ZNF804B: variants seen among roughly 807,000 people sequenced by gnomAD.
ZNF804B encodes the protein zinc finger protein 804B.
In ZNF804B, 80 loss-of-function variants were observed where a neutral mutation model predicts 101.4. That is an observed-to-expected ratio of 0.79 (90% CI 0.66 to 0.95). The LOEUF is 0.95. Among genes scored for constraint, ZNF804B ranks in the 40% least tolerant of loss-of-function variants. The probability of loss-of-function intolerance (pLI) is 0.00; values close to 1 mark genes in which losing one functional copy is unlikely to be tolerated. For missense variants in ZNF804B, 1,673 were observed against 1,561.9 expected, an observed-to-expected ratio of 1.07 and a Z score of -1.20; for synonymous variants, 622 against 558.8, an observed-to-expected ratio of 1.11 and a Z score of -1.59.
chr7:89,111,524 T>A (rs560340562), intron 1 of ZNF804B, among the ~76,000 whole-genome samples: 13 of 152,332 alleles, frequency 8.5e-5, no homozygotes, highest in African/African-American at 2.9e-4. Flanking sequence ...CATGAATGTC[T>A]TTAGTGAGTT....
intron 1 of ZNF804B, among the ~76,000 whole-genome samples, chr7:88,937,762 T>C (rs1019253241): frequency 6.6e-6 from 1 of 152,080 alleles, no homozygotes; most frequent in East Asian, 1.9e-4. Flanking sequence ...ACCTTTCATA[T>C]TGAAGGGTCA....
chr7:89,282,662 A>C (rs879832143), intron 2 of ZNF804B, among the ~76,000 whole-genome samples: 6 of 152,124 alleles, frequency 3.9e-5, no homozygotes, highest in Admixed American at 3.3e-4. Flanking sequence ...GGGTACGATT[A>C]ACCTGGATTC....
intron 1 of ZNF804B, among the ~76,000 whole-genome samples, chr7:88,766,332 TA>T (rs747123636): frequency 2.0e-4 from 31 of 152,232 alleles, no homozygotes; most frequent in Admixed American, 9.2e-4. Context: ...AAATAAAACA[TA>T]AAAGGGGGTT....
At chr7:89,148,198 G>T (rs1032659723) in intron 1 of ZNF804B, among the ~76,000 whole-genome samples, 6 of 151,912 alleles carry the variant, frequency 3.9e-5, no homozygotes, top group African/African-American at 1.4e-4. Flanking sequence ...TCTGCACAAG[G>T]TATATAATAT....
At chr7:88,859,887 A>AT (rs1791622506) in intron 1 of ZNF804B, among the ~76,000 whole-genome samples, 1 of 151,932 alleles carries the variant, frequency 6.6e-6, no homozygotes, top group South Asian at 2.1e-4. Context: ...TATTACCTTC[A>AT]TTTAAAAAAT....
At chr7:88,895,594 A>T (rs934198802) in intron 1 of ZNF804B, among the ~76,000 whole-genome samples, 5 of 152,198 alleles carry the variant, frequency 3.3e-5, no homozygotes, top group Non-Finnish European at 7.3e-5. Flanking sequence ...CTCCAACGAA[A>T]GAAACCAGCA....
intron 1 of ZNF804B, among the ~76,000 whole-genome samples, chr7:88,786,938 G>A (rs1057064692): frequency 6.6e-6 from 1 of 152,112 alleles, no homozygotes; most frequent in Admixed American, 6.6e-5. Context: ...TTGCTGGCAG[G>A]AAGATGAGTG....
chr7:88,963,800 A>G (rs749450561), intron 1 of ZNF804B, among the ~76,000 whole-genome samples: 1 of 151,448 alleles, frequency 6.6e-6, no homozygotes, highest in African/African-American at 2.4e-5. Flanking sequence ...GTAACAATAT[A>G]TCAAGGACTT....
rs566143038 is a variant in ZNF804B at position 89,116,769 on chromosome 7, A to T, written c.109-101386A>T. Reference sequence around the variant, plus strand: ...CATTTCGGCATAATTATTGAGAGATATTTTTTACACGAATTTTAAATTACC... The same window carrying T: ...CATTTCGGCATAATTATTGAGAGATTTTTTTTACACGAATTTTAAATTACC... On this transcript the variant is annotated intron_variant, in intron 1 of 3. Coordinates refer to ENST00000333190, the MANE Select transcript of ZNF804B (RefSeq NM_181646.5). Among the ~76,000 whole-genome samples the T allele has an allele frequency of 1.2e-4, 19 of 152,244 alleles. No individual in the cohort carries two copies. The South Asian group carries it at 1.5e-3, about 12-fold the overall frequency.
chr7:88,819,978 A>G (rs1790950209), intron 1 of ZNF804B, among the ~76,000 whole-genome samples: 1 of 152,182 alleles, frequency 6.6e-6, no homozygotes, highest in African/African-American at 2.4e-5. Flanking sequence ...CATTATAAAT[A>G]TTTTAAATCA....
chr7:89,282,158 G>A (rs1163927895), intron 2 of ZNF804B, among the ~76,000 whole-genome samples: 2 of 141,316 alleles, frequency 1.4e-5, no homozygotes, highest in Non-Finnish European at 3.0e-5. Context: ...CCGAGATCCC[G>A]CCACTGCACT....
intron 1 of ZNF804B, among the ~76,000 whole-genome samples, chr7:89,056,530 T>A (rs1184740218): frequency 6.6e-6 from 1 of 151,946 alleles, no homozygotes; most frequent in Non-Finnish European, 1.5e-5. Context: ...GCAAAGAAAA[T>A]CCCTCCTGCC....
At chr7:88,781,859 C>T (rs932025092) in intron 1 of ZNF804B, among the ~76,000 whole-genome samples, 1 of 152,114 alleles carries the variant, frequency 6.6e-6, no homozygotes, top group Middle Eastern at 3.4e-3. Flanking sequence ...AAAACCCCCG[C>T]GACACTTTAC....
At chr7:89,297,983 ATT>A (rs200421723) in intron 2 of ZNF804B, among the ~76,000 whole-genome samples, 23 of 135,924 alleles carry the variant, frequency 1.7e-4, no homozygotes, top group African/African-American at 3.5e-4. Context: ...CATTTACTTA[ATT>A]TTTTTTTTTT....
chr7:88,918,399 C>T (rs546065798), intron 1 of ZNF804B, among the ~76,000 whole-genome samples: 12 of 152,070 alleles, frequency 7.9e-5, no homozygotes, highest in Admixed American at 2.6e-4. Context: ...GGAGCATTGC[C>T]GGCTGGTTCA....
chr7:89,024,575 A>G (rs1165283604), intron 1 of ZNF804B, among the ~76,000 whole-genome samples: 1 of 142,418 alleles, frequency 7.0e-6, no homozygotes, highest in Non-Finnish European at 1.5e-5. Context: ...CTCTTTACTG[A>G]CAGTTGCTAA....
intron 1 of ZNF804B, among the ~76,000 whole-genome samples, chr7:88,996,237 G>A (rs10267727): frequency 0.83 from 125,861 of 152,018 alleles, 52,472 homozygotes; most frequent in African/African-American, 0.92. Context: ...TTAAAAGACA[G>A]TGCCTTGCAC....
At chr7:89,225,269 T>C (rs1222531955) in intron 2 of ZNF804B, among the ~76,000 whole-genome samples, 3 of 152,152 alleles carry the variant, frequency 2.0e-5, no homozygotes, top group Non-Finnish European at 4.4e-5. Context: ...TATTGGTAGA[T>C]TGAAATCAGC....
At chr7:89,045,723 A>G (rs924798090) in intron 1 of ZNF804B, among the ~76,000 whole-genome samples, 1 of 152,150 alleles carries the variant, frequency 6.6e-6, no homozygotes, top group African/African-American at 2.4e-5. Flanking sequence ...GTATTTACCC[A>G]ATCCCTGTAC....
Sources: allele counts gnomAD v4.1 joint callset (sites outside exome capture counted in the v4.1 genomes callset), GRCh38; gene constraint gnomAD v4.1.1; transcripts MANE v1.5; gene names NCBI Gene and HGNC (gene_info 2026-07-23, HGNC 2026-07-21).